Variants in WIPI2 observed in about 807,000 individuals in gnomAD.
The protein encoded by WIPI2 is WD repeat domain, phosphoinositide interacting 2, also known as WD repeat domain phosphoinositide-interacting protein 2.
A neutral mutation model predicts 52.3 loss-of-function variants in WIPI2; 28 were observed. The observed-to-expected ratio is 0.54, with a 90% CI of 0.40 to 0.73. The LOEUF (loss-of-function observed/expected upper bound fraction) is 0.73, where lower values mean the gene tolerates loss of function less well. Ranked by LOEUF, WIPI2 falls within the 30% of genes least tolerant of loss-of-function variation. The pLI is 0.00. For synonymous variants in WIPI2, 268 were observed against 245.0 expected, an observed-to-expected ratio of 1.09 and a Z score of -0.88; for missense variants, 506 against 602.9, an observed-to-expected ratio of 0.84 and a Z score of 1.68.
chr7:5,191,663 G>A (rs1781490605), intron 1 of WIPI2, among the ~76,000 whole-genome samples: 1 of 152,166 alleles, frequency 6.6e-6, no homozygotes, highest in African/African-American at 2.4e-5. Flanking sequence ...TCTTGGAAGT[G>A]AGTAAGAGGA....
At chr7:5,214,846 GAC>G in intron 4 of WIPI2, 142 bp downstream of exon 4, 1 of 937,422 alleles carries the variant, frequency 1.1e-6, no homozygotes, top group Non-Finnish European at 1.6e-6. Flanking sequence ...TGCCTACAGA[GAC>G]CAGCTCTGTT....
chr7:5,223,543 T>G (rs1046459231), intron 8 of WIPI2, among the ~76,000 whole-genome samples: 53 of 152,308 alleles, frequency 3.5e-4, no homozygotes, highest in African/African-American at 1.2e-3. Flanking sequence ...TTCTGGAGTT[T>G]TCCTGTGTTG....
chr7:5,202,084 T>C (rs949753069), intron 3 of WIPI2, among the ~76,000 whole-genome samples: 1 of 152,204 alleles, frequency 6.6e-6, no homozygotes, highest in Non-Finnish European at 1.5e-5. Context: ...AGTATTTAGT[T>C]CAGGCTCAGT....
chr7:5,193,033 T>C, intron 1 of WIPI2, 85 bp from the exon 2 acceptor site: 1 of 1,350,246 alleles, frequency 7.4e-7, no homozygotes, highest in Non-Finnish European at 1.1e-6. Context: ...GTCGTACTTT[T>C]TCATGATTCC....
intron 4 of WIPI2, among the ~76,000 whole-genome samples, chr7:5,215,174 G>A (rs941166656): frequency 1.3e-5 from 2 of 152,162 alleles, no homozygotes; most frequent in Non-Finnish European, 2.9e-5. Context: ...AGCCGGGCAT[G>A]GTGGCAGGCA....
At chr7:5,208,487 C>G (rs750566706) in intron 3 of WIPI2, among the ~76,000 whole-genome samples, 2 of 151,686 alleles carry the variant, frequency 1.3e-5, no homozygotes, top group African/African-American at 2.4e-5. Context: ...TTTTGCCTAC[C>G]CTGTAGTCAG....
At chr7:5,205,879 A>C (rs7789820) in intron 3 of WIPI2, among the ~76,000 whole-genome samples, 12 of 148,216 alleles carry the variant, frequency 8.1e-5, no homozygotes, top group Non-Finnish European at 1.5e-4. Context: ...ATGTGCTGCC[A>C]CTGTTTTTTT....
At position 5,230,824 on chromosome 7, in the gene WIPI2, T is replaced by C; in HGVS notation, c.1253-11T>C. The C allele has an allele frequency of 6.2e-7, 1 of 1,609,188 alleles. No individual in the cohort carries two copies. ...CAGCCTTTGAAGGGTGACTTCGTCGTCTCTTTGCAGCCTACACAGACGACC... is the reference window on the plus strand; with the variant it reads ...CAGCCTTTGAAGGGTGACTTCGTCGCCTCTTTGCAGCCTACACAGACGACC... On this transcript the variant is annotated splice_polypyrimidine_tract_variant and intron_variant, in intron 12 of 12. Coordinates refer to ENST00000288828, the MANE Select transcript of WIPI2 (RefSeq NM_015610.4). The surrounding 1 kb of genome is among the most constrained non-coding windows in gnomAD (Gnocchi z 4.8).
Position 5,212,955 on chromosome 7 carries a change from A to G in WIPI2, c.212-1580A>G, listed in dbSNP as rs1392373034. ...AGAGAAATTATTTTTACTGCAAATA[A>G]TTGACATTCTGGGTTATGCACCATC... On this transcript the variant is annotated intron_variant, in intron 3 of 12. Coordinates refer to ENST00000288828, the MANE Select transcript of WIPI2 (RefSeq NM_015610.4). Among the ~76,000 whole-genome samples, 4 of 152,246 alleles carry G rather than the reference A, an allele frequency of 2.6e-5. No individual in the cohort carries two copies. The East Asian group carries it at 7.7e-4, about 29-fold the overall frequency.
Position 5,233,428 on chromosome 7 carries a change from GAACTCCA to G in WIPI2, c.*2486_*2492del, listed in dbSNP as rs1783822049. The G allele has an allele frequency of 6.6e-6, 1 of 152,254 alleles. No homozygotes were observed. The highest frequency in any genetic ancestry group is 2.4e-5 in the African/African-American group (1 of 41,434). 9.4% of individuals were successfully genotyped at this position (152,254 alleles called of 1,614,324 possible). A position where few individuals can be genotyped will look rare whatever the true frequency, so the allele number is the denominator to read the frequency against. On this transcript the variant is annotated 3_prime_UTR_variant, in exon 13 of 13. Coordinates refer to ENST00000288828, the MANE Select transcript of WIPI2 (RefSeq NM_015610.4). The stretch of plus-strand genomic sequence containing the variant: ...CAAACAGAACGTGTGCTAATTTTCC[GAACTCCA>G]AACTGTACACTCATATTCATTTTTA...
chr7:5,190,498 G>C lies in WIPI2; in HGVS notation c.74+5G>C. ...CAACTTCAACCAGGACAACACGTAAGGCCGGGGTCGGGGGTCGGAGTCGGG... is the reference window on the plus strand; with the variant it reads ...CAACTTCAACCAGGACAACACGTAACGCCGGGGTCGGGGGTCGGAGTCGGG... On this transcript the variant is annotated splice_donor_5th_base_variant and intron_variant, in intron 1 of 12. Transcript: ENST00000288828. 6.7e-7 allele frequency: 1 copy of C among 1,500,840 alleles called. No individual in the cohort carries two copies. The highest frequency in any genetic ancestry group is 8.9e-7 in the Non-Finnish European group (1 of 1,122,922). 93.0% of individuals were successfully genotyped at this position (1,500,840 alleles called of 1,614,324 possible).
At chr7:5,192,989 C>T in intron 1 of WIPI2, 129 bp from the exon 2 acceptor site, 2 of 823,914 alleles carry the variant, frequency 2.4e-6, no homozygotes, top group South Asian at 3.4e-5. Flanking sequence ...CTATAACTGT[C>T]CTGCCTTTCT....
intron 5 of WIPI2, 149 bp from the exon 6 acceptor site, chr7:5,216,941 C>A: frequency 1.1e-6 from 1 of 905,598 alleles, no homozygotes; most frequent in Non-Finnish European, 1.7e-6. Context: ...TTTGGGGTTG[C>A]AGAACTTTCC....
intron 7 of WIPI2, chr7:5,218,499 A>G (rs1296729744): frequency 1.9e-5 from 3 of 157,610 alleles, no homozygotes; most frequent in African/African-American, 2.4e-5. Flanking sequence ...TCTAAGTTCA[A>G]AAACACTTGT....
At chr7:5,197,272 A>G (rs182593829) in intron 2 of WIPI2, among the ~76,000 whole-genome samples, 107 of 152,176 alleles carry the variant, frequency 7.0e-4, no homozygotes, top group African/African-American at 2.4e-3. Context: ...TTTAAGAACA[A>G]TTTGTTTTTT....
chr7:5,217,178 C>G lies in WIPI2; in HGVS notation c.567C>G (p.Thr189=). 3 of 1,614,120 alleles carry G rather than the reference C, an allele frequency of 1.9e-6. No homozygotes were observed. Among genetic ancestry groups the G allele is most frequent in the South Asian group, 2.2e-5 (2 of 91,072 alleles). ...ATIGEVQVFD[T]INLRAANMIP... is the part of the protein sequence containing the mutation. ...TCGGAGAGGTGCAGGTCTTCGATACCATTAATTTGGTGAGATGCCTTTCCT... is the reference window on the plus strand; with the variant it reads ...TCGGAGAGGTGCAGGTCTTCGATACGATTAATTTGGTGAGATGCCTTTCCT... Residue 189 remains threonine, a synonymous_variant, in exon 6 of 13, where the codon ACC becomes ACG. Transcript: ENST00000288828.
intron 8 of WIPI2, among the ~76,000 whole-genome samples, chr7:5,223,468 A>G (rs762931344): frequency 2.0e-5 from 3 of 152,014 alleles, no homozygotes; most frequent in Non-Finnish European, 4.4e-5. Context: ...AGTATCCCCA[A>G]ACGTCACCGC....
intron 7 of WIPI2, among the ~76,000 whole-genome samples, chr7:5,222,305 T>C (rs1373789172): frequency 6.6e-6 from 1 of 152,246 alleles, no homozygotes; most frequent in Non-Finnish European, 1.5e-5. Context: ...TAGAATGATA[T>C]GCCACTTTTG....
chr7:5,202,969 G>A (rs902858736), intron 3 of WIPI2, among the ~76,000 whole-genome samples: 1 of 152,140 alleles, frequency 6.6e-6, no homozygotes, highest in Non-Finnish European at 1.5e-5. Context: ...TTGCTAAACT[G>A]GATTCTGAGC....
Sources: gnomAD v4.1 joint callset for allele counts (sites outside exome capture counted in the v4.1 genomes callset) on GRCh38, gnomAD v4.1.1 for gene constraint, Gnocchi (gnomAD v3.1) non-coding constraint, MANE v1.5 for transcripts, NCBI Gene and HGNC (gene_info 2026-07-23, HGNC 2026-07-21) for gene names.